Variants in CLEC20A observed in about 807,000 individuals in gnomAD.
The protein encoded by CLEC20A is C-type lectin domain containing 20A.
In CLEC20A at chr1:178,482,484, C is replaced by A. The variant is rs1163353415; in HGVS notation, c.1037-87G>T. On this transcript the variant is annotated intron_variant, in intron 6 of 7. Transcript: ENST00000623247. ...GCAGTCAGGAGCACCCGGTGGACAC[C>A]ATAGATGCTACATGTTGATTTGGGA... The A allele has an allele frequency of 1.8e-5, 7 of 397,334 alleles. No individual in the cohort carries two copies. In the South Asian group the frequency reaches 8.0e-4, roughly 46 times the overall value. 24.6% of individuals were successfully genotyped at this position (397,334 alleles called of 1,614,324 possible).
chr1:178,487,488 A>G (rs534746779), intron 5 of CLEC20A, among the ~76,000 whole-genome samples: 14 of 152,188 alleles, frequency 9.2e-5, no homozygotes, highest in Middle Eastern at 3.4e-3. Flanking sequence ...TCACCCAGCC[A>G]CGCACCCCCA....
chr1:178,484,932 C>G (rs1020861641), intron 5 of CLEC20A, among the ~76,000 whole-genome samples: 1 of 152,116 alleles, frequency 6.6e-6, no homozygotes, highest in Admixed American at 6.5e-5. Flanking sequence ...CGTTTCCTGT[C>G]TCTCCTTTTC....
chr1:178,482,634 A>T (rs1223560416), intron 6 of CLEC20A: 3 of 363,692 alleles, frequency 8.2e-6, no homozygotes, highest in Non-Finnish European at 1.5e-5. Flanking sequence ...CAGCCTGGCT[A>T]CCCATCAGGC....
chr1:178,494,613 G>A, exon 2 of CLEC20A: 1 of 399,398 alleles, frequency 2.5e-6, no homozygotes, highest in South Asian at 1.3e-4. Flanking sequence ...GACCATCTCA[G>A]GCCAGAAGTG....
At chr1:178,494,116 A>T (rs1288432583) in intron 2 of CLEC20A, among the ~76,000 whole-genome samples, 1 of 152,240 alleles carries the variant, frequency 6.6e-6, no homozygotes, top group Non-Finnish European at 1.5e-5. Flanking sequence ...ACCCTGGGCC[A>T]GGCCCAATGG....
chr1:178,496,345 A>G (rs1489220643), intron 1 of CLEC20A: 1 of 152,322 alleles, frequency 6.6e-6, no homozygotes, highest in Non-Finnish European at 1.5e-5. Context: ...GAGGGCCTAA[A>G]ACCTGACCAC....
At chr1:178,479,171 C>T (rs1275493837), downstream of CLEC20A, 1 of 159,964 alleles carries the variant, frequency 6.3e-6, no homozygotes, top group Non-Finnish European at 1.4e-5. Context: ...TGTAGCCCCA[C>T]TTAGCTTCCT....
chr1:178,494,841 T>C (rs1482556270), intron 1 of CLEC20A, 31 bp from the exon 2 acceptor site: 12 of 399,030 alleles, frequency 3.0e-5, no homozygotes, highest in Non-Finnish European at 5.3e-5. Context: ...ATAGCATGGC[T>C]GTCCCCACCC....
At chr1:178,492,764 G>T (rs1335920235) in intron 2 of CLEC20A, among the ~76,000 whole-genome samples, 198 bp from the exon 3 acceptor site, 1 of 152,178 alleles carries the variant, frequency 6.6e-6, no homozygotes, top group African/African-American at 2.4e-5. Flanking sequence ...GGGAAAAAAT[G>T]GCAGAAATAA....
chr1:178,479,456 C>T (rs1405636103), exon 8 of CLEC20A: 1 of 395,666 alleles, frequency 2.5e-6, no homozygotes, highest in East Asian at 3.6e-5. Flanking sequence ...TCTTGTTCTA[C>T]TAGGGATTAA....
chr1:178,486,935 C>T, intron 5 of CLEC20A: 1 of 397,258 alleles, frequency 2.5e-6, no homozygotes, highest in Admixed American at 4.4e-5. Context: ...CCCGCGGAGG[C>T]GGAAGCGCGC....
At chr1:178,487,528 C>T (rs2101867958) in intron 5 of CLEC20A, among the ~76,000 whole-genome samples, 1 of 152,308 alleles carries the variant, frequency 6.6e-6, no homozygotes, top group South Asian at 2.1e-4. Flanking sequence ...TCCTTCTCAT[C>T]CTTCCAATAG....
intron 7 of CLEC20A, chr1:178,482,054 C>G (rs1648999348): frequency 1.3e-5 from 4 of 304,154 alleles, no homozygotes; most frequent in Non-Finnish European, 1.8e-5. Flanking sequence ...TCTGACCGTG[C>G]TGTCTTGACC....
At chr1:178,483,475 C>A (rs1280464333) in intron 5 of CLEC20A, 193 bp from the exon 6 acceptor site, 17 of 385,918 alleles carry the variant, frequency 4.4e-5, no homozygotes, top group Middle Eastern at 6.4e-4. Flanking sequence ...CTCTTTTAAC[C>A]CAGCACTTGA....
At chr1:178,490,686 T>A (rs1649249405) in intron 3 of CLEC20A, among the ~76,000 whole-genome samples, 2 of 152,234 alleles carry the variant, frequency 1.3e-5, no homozygotes, top group South Asian at 4.1e-4. Context: ...CTTGTAGCTA[T>A]ATGGCCTCAC....
In CLEC20A at chr1:178,486,818, C is replaced by T. The variant is rs919439974; in HGVS notation, c.928+1683G>A. 15 of 398,498 alleles carry T rather than the reference C, an allele frequency of 3.8e-5. No homozygotes were observed. The East Asian group carries it at 5.4e-4, about 14-fold the overall frequency. 24.7% of individuals were successfully genotyped at this position (398,498 alleles called of 1,614,324 possible). ...TGGGAAGACGCACTCTGGGCAGTGA[C>T]CGGCGGCATCCTGGGTCCTTCCGCG... On this transcript the variant is annotated intron_variant, in intron 5 of 7. Transcript: ENST00000623247.
At chr1:178,482,710 C>G in intron 6 of CLEC20A, 1 of 237,656 alleles carries the variant, frequency 4.2e-6, no homozygotes, top group Middle Eastern at 1.3e-3. Context: ...GTAGATACTC[C>G]ACACCATGCC....
chr1:178,494,774 A>G (rs1344177578), exon 2 of CLEC20A: 2 of 399,226 alleles, frequency 5.0e-6, no homozygotes, highest in Admixed American at 8.8e-5. Context: ...CTCCTTCACC[A>G]GAACCAAGTC....
At chr1:178,486,450 C>T in intron 5 of CLEC20A, 1 of 398,796 alleles carries the variant, frequency 2.5e-6, no homozygotes, top group Non-Finnish European at 4.4e-6. Context: ...GGGGCCCTGG[C>T]CAGCTCCCAG....
Sources: allele counts gnomAD v4.1 joint callset (sites outside exome capture counted in the v4.1 genomes callset), GRCh38; gene constraint gnomAD v4.1.1; transcripts MANE v1.5; gene names NCBI Gene and HGNC (gene_info 2026-07-23, HGNC 2026-07-21).